GALNT13: variants seen among roughly 807,000 people sequenced by gnomAD.
GALNT13 encodes the protein UDP-GalNAc:polypeptide N-acetylgalactosaminyltransferase 13.
GALNT13 carries 28 observed loss-of-function variants against 64.2 expected under a neutral mutation model. That is an observed-to-expected ratio of 0.44 (90% confidence interval 0.32 to 0.60). The LOEUF (loss-of-function observed/expected upper bound fraction) is 0.60, where lower values mean the gene tolerates loss of function less well. Among genes scored for constraint, GALNT13 ranks in the 20% least tolerant of loss-of-function variants. The probability of loss-of-function intolerance (pLI) is 0.05; values close to 1 mark genes in which losing one functional copy is unlikely to be tolerated. For synonymous variants in GALNT13, 214 were observed against 224.6 expected (o/e 0.95, Z 0.42); for missense variants, 577 against 669.8 (o/e 0.86, Z 1.53).
intron 11 of GALNT13, among the ~76,000 whole-genome samples, chr2:154,420,916 T>C (rs1318615651): frequency 6.6e-6 from 1 of 152,156 alleles, no homozygotes; most frequent in Admixed American, 6.6e-5. Context: ...GTACCTGTGA[T>C]TGTCTTCATC....
chr2:154,004,351 A>G (rs1339411613), intron 3 of GALNT13, among the ~76,000 whole-genome samples: 2 of 151,988 alleles, frequency 1.3e-5, no homozygotes, highest in Admixed American at 1.3e-4. Flanking sequence ...GACTACAGGC[A>G]TGCATCGCCA....
At chr2:154,019,406 A>G (rs1235200003) in intron 3 of GALNT13, among the ~76,000 whole-genome samples, 1 of 152,072 alleles carries the variant, frequency 6.6e-6, no homozygotes, top group African/African-American at 2.4e-5. Context: ...AGGCCAAGGC[A>G]GGTGAATCAT....
the GALNT13 span, among the ~76,000 whole-genome samples, chr2:153,771,941 G>A: frequency 6.0e-4 from 92 of 152,300 alleles, 2 homozygotes; most frequent in East Asian, 0.011. Context: ...TACCCTGGTT[G>A]ACCAAGGGAG....
the GALNT13 span, among the ~76,000 whole-genome samples, chr2:153,828,275 C>A: frequency 6.6e-6 from 1 of 152,228 alleles, no homozygotes; most frequent in Non-Finnish European, 1.5e-5. Context: ...GGGGCTCCAA[C>A]CCCACATTTC....
chr2:153,905,380 T>C (rs1287417909), intron 2 of GALNT13, among the ~76,000 whole-genome samples: 1 of 152,018 alleles, frequency 6.6e-6, no homozygotes, highest in Non-Finnish European at 1.5e-5. Context: ...TATGGTTTTT[T>C]CTATATATAC....
chr2:153,510,435 G>A, the GALNT13 span, among the ~76,000 whole-genome samples: 2 of 152,150 alleles, frequency 1.3e-5, no homozygotes, highest in African/African-American at 2.4e-5. Flanking sequence ...CAGAGACCCT[G>A]CCCTTAAGAA....
intron 4 of GALNT13, among the ~76,000 whole-genome samples, chr2:154,233,037 C>CAAAAAAAAAAAAAAAAA (rs375484057): frequency 1.7e-5 from 1 of 59,068 alleles, no homozygotes; most frequent in African/African-American, 5.9e-5. Context: ...GACCCTGTCT[C>CAAAAAAAAAAAAAAAAA]AAAAAAAAAA....
chr2:153,294,972 C>A, the GALNT13 span, among the ~76,000 whole-genome samples: 1 of 152,228 alleles, frequency 6.6e-6, no homozygotes, highest in Non-Finnish European at 1.5e-5. Flanking sequence ...GAAAAGTGAT[C>A]TCTTAGGAAA....
chr2:153,333,167 A>C, the GALNT13 span, among the ~76,000 whole-genome samples: 1 of 152,250 alleles, frequency 6.6e-6, no homozygotes, highest in Non-Finnish European at 1.5e-5. Context: ...TACCATAAAA[A>C]TAATTTTCTT....
chr2:154,138,485 T>A (rs1021881302), intron 3 of GALNT13, among the ~76,000 whole-genome samples: 1 of 151,838 alleles, frequency 6.6e-6, no homozygotes, highest in Non-Finnish European at 1.5e-5. Context: ...AATCACAAAT[T>A]TTCAAAATGT....
At chr2:154,040,590 A>C (rs1169546097) in intron 3 of GALNT13, among the ~76,000 whole-genome samples, 1 of 140,460 alleles carries the variant, frequency 7.1e-6, no homozygotes, top group African/African-American at 2.4e-5. Flanking sequence ...TATGAGAATG[A>C]ATAGGTAATA....
chr2:154,315,765 CTTCAGTTCAGCAAG>C (rs1351100314), intron 9 of GALNT13, among the ~76,000 whole-genome samples: 1 of 152,178 alleles, frequency 6.6e-6, no homozygotes, highest in Non-Finnish European at 1.5e-5. Context: ...TTGTTGGTTA[CTTCAGTTCAGCAAG>C]TGAATTGTAA....
the GALNT13 span, among the ~76,000 whole-genome samples, chr2:153,373,523 A>G: frequency 6.6e-6 from 1 of 152,164 alleles, no homozygotes; most frequent in South Asian, 2.1e-4. Flanking sequence ...TTGAGGTTGT[A>G]TTGAATCTAT....
chr2:153,788,266 C>G, the GALNT13 span, among the ~76,000 whole-genome samples: 2 of 151,892 alleles, frequency 1.3e-5, no homozygotes, highest in African/African-American at 4.8e-5. Flanking sequence ...CCTGTAAGAC[C>G]GAAGAGATTG....
the GALNT13 span, among the ~76,000 whole-genome samples, chr2:153,701,426 T>G: frequency 1.2e-4 from 18 of 152,340 alleles, no homozygotes; most frequent in African/African-American, 4.3e-4. Flanking sequence ...ATTCAGCACA[T>G]AGGCATGGGC....
At chr2:153,111,646 T>C in the GALNT13 span, among the ~76,000 whole-genome samples, 1 of 152,220 alleles carries the variant, frequency 6.6e-6, no homozygotes, top group Non-Finnish European at 1.5e-5. Flanking sequence ...CTAGGTAAAC[T>C]TTCTCACAGT....
chr2:154,211,430 C>A (rs1382206142), intron 4 of GALNT13, among the ~76,000 whole-genome samples: 2 of 151,420 alleles, frequency 1.3e-5, no homozygotes, highest in Admixed American at 1.3e-4. Flanking sequence ...AGTTCCAGAC[C>A]AGCCTGACCA....
intron 3 of GALNT13, among the ~76,000 whole-genome samples, chr2:154,031,263 A>G (rs1026443752): frequency 6.6e-6 from 1 of 152,070 alleles, no homozygotes; most frequent in Admixed American, 6.6e-5. Context: ...CATTTTGAAA[A>G]ATTATGTATT....
At chr2:153,140,481 T>C in the GALNT13 span, among the ~76,000 whole-genome samples, 869 of 152,146 alleles carry the variant, frequency 5.7e-3, 3 homozygotes, top group Non-Finnish European at 0.01. Flanking sequence ...GAAAGGTTAA[T>C]AATTTAACTA....
Sources: gnomAD v4.1 joint callset for allele counts (sites outside exome capture counted in the v4.1 genomes callset) on GRCh38, gnomAD v4.1.1 for gene constraint, MANE v1.5 for transcripts, NCBI Gene and HGNC (gene_info 2026-07-23, HGNC 2026-07-21) for gene names.